The following PDGFD variants were observed in gnomAD, a reference collection of about 807,000 sequenced individuals.
The protein encoded by PDGFD is platelet-derived growth factor D.
PDGFD carries 30 observed loss-of-function variants against 44.7 expected under a neutral mutation model. The ratio of observed to expected loss-of-function variants is 0.67; its 90% CI spans 0.50 to 0.91. PDGFD has a LOEUF of 0.91. Ranked by LOEUF, PDGFD falls within the 40% of genes least tolerant of loss-of-function variation. The pLI is 0.00. For synonymous variants in PDGFD, 173 were observed against 168.4 expected, an observed-to-expected ratio of 1.03 and a Z score of -0.21; for missense variants, 445 against 457.8, an observed-to-expected ratio of 0.97 and a Z score of 0.25.
At chr11:104,051,643 G>A (rs897420532) in intron 1 of PDGFD, among the ~76,000 whole-genome samples, 1 of 151,392 alleles carries the variant, frequency 6.6e-6, no homozygotes, top group Non-Finnish European at 1.5e-5. Context: ...CTAATAGCAT[G>A]GTGATTCCTG....
At chr11:103,920,411 A>AT (rs1459734804) in intron 6 of PDGFD, among the ~76,000 whole-genome samples, 4 of 152,264 alleles carry the variant, frequency 2.6e-5, no homozygotes, top group Admixed American at 2.0e-4. Flanking sequence ...AACATAATGG[A>AT]AAGCCTGGGT....
intron 1 of PDGFD, chr11:104,038,007 G>A (rs1052313): frequency 0.46 from 738,246 of 1,609,846 alleles, 174,860 homozygotes; most frequent in Admixed American, 0.63. Context: ...GACGAAAAGA[G>A]CATTAAAGCA....
At chr11:104,123,218 T>C (rs1253267466) in intron 1 of PDGFD, among the ~76,000 whole-genome samples, 1 of 152,090 alleles carries the variant, frequency 6.6e-6, no homozygotes, top group African/African-American at 2.4e-5. Flanking sequence ...GCTTCGACCA[T>C]AACAGAAGTT....
At position 103,908,908 on chromosome 11, in the gene PDGFD, T is replaced by C. The variant is rs1292040082; in HGVS notation, c.*786A>G. On this transcript the variant is annotated 3_prime_UTR_variant, in exon 7 of 7. Transcript: ENST00000393158. ...CAAAATTCTGTTACAGCTTATACAT[T>C]GTCTTTTGTAGGACTATAATAAAAA... 6.6e-6 allele frequency: 1 copy of C among 152,220 alleles called. No individual in the cohort carries two copies. The highest frequency in any genetic ancestry group is 1.5e-5 in the Non-Finnish European group (1 of 68,032). 9.4% of individuals were successfully genotyped at this position (152,220 alleles called of 1,614,324 possible).
At chr11:104,110,909 CTA>C (rs1491569843) in intron 1 of PDGFD, among the ~76,000 whole-genome samples, 1 of 152,014 alleles carries the variant, frequency 6.6e-6, no homozygotes, top group African/African-American at 2.4e-5. Context: ...GGAATAAAAA[CTA>C]AAAAAATCCT....
chr11:104,033,900 A>C (rs1394656480), intron 1 of PDGFD, among the ~76,000 whole-genome samples: 2 of 152,218 alleles, frequency 1.3e-5, no homozygotes, highest in African/African-American at 2.4e-5. Flanking sequence ...AATATTATTG[A>C]GTCAAAGGGT....
intron 1 of PDGFD, among the ~76,000 whole-genome samples, chr11:104,058,159 ACTTCAT>A (rs1860652190): frequency 6.6e-6 from 1 of 152,220 alleles, no homozygotes; most frequent in Non-Finnish European, 1.5e-5. Context: ...GATAAACTGG[ACTTCAT>A]TAAAATTAAA....
At chr11:104,107,321 G>T (rs544199605) in intron 1 of PDGFD, among the ~76,000 whole-genome samples, 1 of 152,118 alleles carries the variant, frequency 6.6e-6, no homozygotes, top group Admixed American at 6.6e-5. Flanking sequence ...GAGGTTATAC[G>T]GCACGCGATG....
At chr11:104,094,785 T>C (rs565559967) in intron 1 of PDGFD, among the ~76,000 whole-genome samples, 2 of 152,308 alleles carry the variant, frequency 1.3e-5, no homozygotes, top group South Asian at 4.1e-4. Flanking sequence ...ATGCACTTTT[T>C]CTTCCTCCAA....
intron 5 of PDGFD, among the ~76,000 whole-genome samples, chr11:103,928,697 CT>C (rs1244883180): frequency 1.3e-5 from 2 of 152,166 alleles, no homozygotes; most frequent in African/African-American, 4.8e-5. Context: ...TAATTTATTG[CT>C]GTTTTTTTCT....
intron 1 of PDGFD, among the ~76,000 whole-genome samples, chr11:104,031,513 T>A (rs1414533463): frequency 6.6e-6 from 1 of 152,156 alleles, no homozygotes; most frequent in Non-Finnish European, 1.5e-5. Context: ...GTGAGGTTGT[T>A]GAGAAATAGG....
chr11:103,986,853 C>A (rs73602315), intron 3 of PDGFD, among the ~76,000 whole-genome samples: 12 of 152,144 alleles, frequency 7.9e-5, no homozygotes, highest in Admixed American at 1.3e-4. Flanking sequence ...AATTGCTCCT[C>A]GGGATAACAT....
chr11:104,151,996 T>C (rs980572210), intron 1 of PDGFD, among the ~76,000 whole-genome samples: 2 of 152,178 alleles, frequency 1.3e-5, no homozygotes, highest in African/African-American at 4.8e-5. Flanking sequence ...CCTATGTTTA[T>C]TCACATATGT....
intron 1 of PDGFD, among the ~76,000 whole-genome samples, chr11:104,034,337 G>A (rs370955957): frequency 3.9e-5 from 6 of 152,002 alleles, no homozygotes; most frequent in South Asian, 2.1e-4. Context: ...TACACTGGGC[G>A]TTCAGTCAAC....
chr11:104,153,385 T>C (rs2119912176), intron 1 of PDGFD, among the ~76,000 whole-genome samples: 1 of 152,332 alleles, frequency 6.6e-6, no homozygotes, highest in East Asian at 1.9e-4. Context: ...CTGTATTAAA[T>C]ACAGTTAGTA....
Position 104,034,043 on chromosome 11 carries a change from C to T in PDGFD, c.125-33788G>A, listed in dbSNP as rs1860176166. Among the ~76,000 whole-genome samples the T allele has an allele frequency of 2.6e-5, 4 of 152,162 alleles. No individual in the cohort carries two copies. In the South Asian group the frequency reaches 8.3e-4, roughly 32 times the overall value. On this transcript the variant is annotated intron_variant, in intron 1 of 6. Transcript: ENST00000393158. ...CTAAGTCAGGTCATCTTCCTTCTCA[C>T]CTTTGTGTCTCCACTCTGGCGCACC...
chr11:103,927,923 T>C (rs528029297), intron 5 of PDGFD, among the ~76,000 whole-genome samples: 76 of 152,380 alleles, frequency 5.0e-4, no homozygotes, highest in African/African-American at 1.6e-3. Flanking sequence ...CTATTCTTAC[T>C]AATCTTGATT....
At chr11:104,005,415 ACT>A (rs1244651275) in intron 1 of PDGFD, among the ~76,000 whole-genome samples, 2 of 152,198 alleles carry the variant, frequency 1.3e-5, no homozygotes, top group East Asian at 3.9e-4. Context: ...TCTAAGTCAC[ACT>A]GTTTACATAT....
At chr11:104,063,770 A>G (rs997251472) in intron 1 of PDGFD, among the ~76,000 whole-genome samples, 4 of 152,186 alleles carry the variant, frequency 2.6e-5, no homozygotes, top group Non-Finnish European at 5.9e-5. Context: ...GAACTCACTC[A>G]CTATCATGAG....
Sources: allele counts gnomAD v4.1 joint callset (sites outside exome capture counted in the v4.1 genomes callset), GRCh38; gene constraint gnomAD v4.1.1; transcripts MANE v1.5; gene names NCBI Gene and HGNC (gene_info 2026-07-23, HGNC 2026-07-21).